Variants in RHOBTB3 observed in about 807,000 individuals in gnomAD.
The protein encoded by RHOBTB3 is rho-related BTB domain-containing protein 3.
In RHOBTB3, 47 loss-of-function variants were observed where a neutral mutation model predicts 67.2. The ratio of observed to expected loss-of-function variants is 0.70; its 90% CI spans 0.55 to 0.89. The LOEUF is 0.89. RHOBTB3 is among the 40% of genes least tolerant of loss of function. The probability of loss-of-function intolerance (pLI) is 0.00; values close to 1 mark genes in which losing one functional copy is unlikely to be tolerated. For missense variants in RHOBTB3, 631 were observed against 750.0 expected (o/e 0.84, Z 1.85); for synonymous variants, 273 against 274.2 (o/e 1.00, Z 0.04).
chr5:95,745,218 G>T (rs565274294), intron 3 of RHOBTB3, among the ~76,000 whole-genome samples: 3 of 151,974 alleles, frequency 2.0e-5, no homozygotes, highest in African/African-American at 7.3e-5. Context: ...TTAAGCACAC[G>T]CCATCATGCT....
intron 7 of RHOBTB3, 65 bp downstream of exon 7, chr5:95,763,685 GA>G (rs1466885032): frequency 4.4e-6 from 4 of 914,174 alleles, no homozygotes; most frequent in Non-Finnish European, 7.2e-6. Flanking sequence ...ATACTATGAT[GA>G]ATATAAAATT....
At chr5:95,776,401 G>T (rs1183706478) in intron 8 of RHOBTB3, among the ~76,000 whole-genome samples, 1 of 151,294 alleles carries the variant, frequency 6.6e-6, no homozygotes, top group East Asian at 1.9e-4. Context: ...GTGAGACTCT[G>T]TCTCAAAGAA....
At chr5:95,760,144 T>G (rs1348816907) in intron 6 of RHOBTB3, among the ~76,000 whole-genome samples, 16 of 152,202 alleles carry the variant, frequency 1.1e-4, no homozygotes, top group South Asian at 2.1e-4. Flanking sequence ...AAATTTTTGA[T>G]TCAGTAGACA....
intron 8 of RHOBTB3, among the ~76,000 whole-genome samples, chr5:95,773,488 C>G (rs1431617643): frequency 6.6e-6 from 1 of 152,190 alleles, no homozygotes; most frequent in Non-Finnish European, 1.5e-5. Context: ...AGTGTCATTT[C>G]CTCAGGATGG....
intron 8 of RHOBTB3, among the ~76,000 whole-genome samples, chr5:95,775,421 T>C (rs576585608): frequency 9.4e-4 from 139 of 148,338 alleles, no homozygotes; most frequent in African/African-American, 1.8e-3. Context: ...TATATATATA[T>C]ACACATATAT....
At chr5:95,777,220 A>G (rs1745913837) in intron 8 of RHOBTB3, among the ~76,000 whole-genome samples, 1 of 152,198 alleles carries the variant, frequency 6.6e-6, no homozygotes, top group Admixed American at 6.5e-5. Context: ...TAGCTAGTAC[A>G]TATTTTGGAT....
At chr5:95,724,317 G>A (rs895640871) in intron 1 of RHOBTB3, among the ~76,000 whole-genome samples, 2 of 152,170 alleles carry the variant, frequency 1.3e-5, no homozygotes, top group African/African-American at 2.4e-5. Flanking sequence ...TTTCCCGCTT[G>A]CAAAATGTTA....
In RHOBTB3 at chr5:95,731,482, AGCCC is replaced by A; in HGVS notation, c.-196_-193del. 1 of 1,230,234 alleles carries A rather than the reference AGCCC, an allele frequency of 8.1e-7. No homozygotes were observed. Among genetic ancestry groups the A allele is most frequent in the Non-Finnish European group, 1.0e-6 (1 of 989,850 alleles). 76.2% of individuals were successfully genotyped at this position (1,230,234 alleles called of 1,614,324 possible). ...AGCGGCAGCTTATCCCCCGCCCGCT[AGCCC>A]GCCCTGGTCCCCGGCTCGCTCGCTG... On this transcript the variant is annotated 5_prime_UTR_variant, in exon 1 of 12. Transcript: ENST00000379982.
At position 95,755,464 on chromosome 5, in the gene RHOBTB3, T is replaced by C. The variant is rs1429927308; in HGVS notation, c.751T>C (p.Cys251Arg). The change falls in exon 6 of 12, where the codon TGC becomes CGC. Residue 251 changes from cysteine (C) to arginine (R), a missense_variant. By Grantham distance (180) the Cys-to-Arg change is radical. Coordinates refer to ENST00000379982, the MANE Select transcript of RHOBTB3 (RefSeq NM_014899.4). ...TGACTTAAATAACTTGCTGTTCTGC[T>C]GCCAGTGTGTGGACGTGGTATTTTA... ...NSDLNNLLFC[C>R]QCVDVVFYNP... The C allele has an allele frequency of 6.2e-7, 1 of 1,613,532 alleles. No individual in the cohort carries two copies. The highest frequency in any genetic ancestry group is 8.5e-7 in the Non-Finnish European group (1 of 1,179,604).
chr5:95,736,870 TA>T lies in RHOBTB3; in HGVS notation c.229-18del. On this transcript the variant is annotated intron_variant, in intron 2 of 11. Coordinates refer to ENST00000379982, the MANE Select transcript of RHOBTB3 (RefSeq NM_014899.4). ...GGACGATAAGTAGACTAAAGATTGC[TA>T]TTTGCATTTTGGTTTAGGACATATT... 1.3e-6 allele frequency: 2 copies of T among 1,522,456 alleles called. No homozygotes were observed. Among genetic ancestry groups the T allele is most frequent in the South Asian group, 2.5e-5 (2 of 79,586 alleles). The allele number at this position is 1,522,456 out of a possible 1,614,324, so 94.3% of individuals were successfully genotyped here.
At chr5:95,718,743 C>T (rs190758249) in intron 1 of RHOBTB3, among the ~76,000 whole-genome samples, 20 of 152,222 alleles carry the variant, frequency 1.3e-4, no homozygotes, top group African/African-American at 4.8e-4. Flanking sequence ...GACTGAAAAG[C>T]AATAGAATGG....
At chr5:95,726,024 A>C (rs1755043863), upstream of RHOBTB3, among the ~76,000 whole-genome samples, 1 of 152,216 alleles carries the variant, frequency 6.6e-6, no homozygotes, top group African/African-American at 2.4e-5. Context: ...ATTTATTGGA[A>C]CACAATGTAG....
chr5:95,732,997 G>A lies in RHOBTB3; in HGVS notation c.228+913G>A, dbSNP rs116449965. On this transcript the variant is annotated intron_variant, in intron 2 of 11. Transcript: ENST00000379982. The stretch of plus-strand genomic sequence containing the variant: ...CTGAAAAGATACAAATTATCGTTGT[G>A]TAAGATTTCACATTTAAACAGCAAT... Among the ~76,000 whole-genome samples, 907 of 152,202 alleles carry A rather than the reference G, an allele frequency of 6.0e-3. 12 individuals are homozygous for A. Among genetic ancestry groups the A allele is most frequent in the African/African-American group, 0.021 (858 of 41,512 alleles).
At chr5:95,724,156 C>A (rs1225197290) in intron 1 of RHOBTB3, among the ~76,000 whole-genome samples, 1 of 152,096 alleles carries the variant, frequency 6.6e-6, no homozygotes, top group Non-Finnish European at 1.5e-5. Context: ...CATGACACAG[C>A]AATACAGTTA....
intron 3 of RHOBTB3, among the ~76,000 whole-genome samples, chr5:95,747,924 GT>G (rs1282072351): frequency 6.6e-6 from 1 of 152,148 alleles, no homozygotes; most frequent in African/African-American, 2.4e-5. Flanking sequence ...TAGATTTCAA[GT>G]TTATTATATT....
At chr5:95,764,602 A>T (rs949314830) in intron 7 of RHOBTB3, among the ~76,000 whole-genome samples, 2 of 152,220 alleles carry the variant, frequency 1.3e-5, no homozygotes, top group Admixed American at 6.5e-5. Context: ...TGATTTTGTG[A>T]TAAACAAATT....
intron 5 of RHOBTB3, among the ~76,000 whole-genome samples, chr5:95,754,779 A>G (rs1292064085): frequency 6.6e-6 from 1 of 152,194 alleles, no homozygotes; most frequent in East Asian, 1.9e-4. Context: ...TACTAGAAGG[A>G]AAAAATGCTA....
At position 95,770,340 on chromosome 5, in the gene RHOBTB3, T is replaced by G. The variant is rs148199111; in HGVS notation, c.1282+2174T>G. 8.1e-3 allele frequency: 2,223 copies of G among 273,948 alleles called. 44 individuals are homozygous for G. The highest frequency in any genetic ancestry group is 0.045 in the South Asian group (853 of 18,880). 17.0% of individuals were successfully genotyped at this position (273,948 alleles called of 1,614,324 possible). A position where few individuals can be genotyped will look rare whatever the true frequency, so the allele number is the denominator to read the frequency against. On this transcript the variant is annotated intron_variant, in intron 8 of 11. Coordinates refer to ENST00000379982, the MANE Select transcript of RHOBTB3 (RefSeq NM_014899.4). ...TTCTGGGATGGGGTTGTGCCTTGCT[T>G]CAGTTCATTCCAGCCTTGGACTCAT...
At chr5:95,770,935 A>G (rs898162576) in intron 8 of RHOBTB3, among the ~76,000 whole-genome samples, 2 of 141,426 alleles carry the variant, frequency 1.4e-5, no homozygotes, top group African/African-American at 2.7e-5. Context: ...TGTATTTTTG[A>G]AAAAAAAAAA....
Sources: gnomAD v4.1 joint callset for allele counts (sites outside exome capture counted in the v4.1 genomes callset) on GRCh38, gnomAD v4.1.1 for gene constraint, MANE v1.5 for transcripts, NCBI Gene and HGNC (gene_info 2026-07-23, HGNC 2026-07-21) for gene names.